The following RNF213 variants were observed in gnomAD, a reference collection of about 807,000 sequenced individuals.
The protein encoded by RNF213 is E3 ubiquitin-protein ligase RNF213.
RNF213 carries 341 observed loss-of-function variants against 514.4 expected under a neutral mutation model. The ratio of observed to expected loss-of-function variants is 0.66; its 90% CI spans 0.61 to 0.73. The LOEUF (loss-of-function observed/expected upper bound fraction) is 0.73, where lower values mean the gene tolerates loss of function less well. Ranked by LOEUF, RNF213 falls within the 30% of genes least tolerant of loss-of-function variation. The pLI is 0.00. For synonymous variants in RNF213, 2,655 were observed against 2,658.2 expected, an observed-to-expected ratio of 1.00 and a Z score of 0.04; for missense variants, 5,767 against 6,615.6, an observed-to-expected ratio of 0.87 and a Z score of 4.45.
intron 17 of RNF213, chr17:80,320,618 G>A (rs1236539840): frequency 6.6e-6 from 1 of 152,070 alleles, no homozygotes; most frequent in African/African-American, 2.4e-5. Context: ...TCGAACTCCC[G>A]ACCTCAGGTG....
At chr17:80,336,766 T>C (rs1337725999) in intron 23 of RNF213, 2 of 350,066 alleles carry the variant, frequency 5.7e-6, no homozygotes, top group Non-Finnish European at 1.1e-5. Flanking sequence ...TAGCCAGGCA[T>C]GGTGGTGTGC....
intron 60 of RNF213, 125 bp downstream of exon 60, chr17:80,385,296 C>T (rs2080188770): frequency 1.6e-6 from 2 of 1,244,648 alleles, no homozygotes; most frequent in East Asian, 2.4e-5. Context: ...AGCCTAAGCC[C>T]TTACCATGCG....
intron 15 of RNF213, 149 bp downstream of exon 15, chr17:80,313,316 C>A: frequency 9.1e-7 from 1 of 1,094,978 alleles, no homozygotes; most frequent in Non-Finnish European, 1.4e-6. Flanking sequence ...GGAGTTGCTC[C>A]TGTCTACCTG....
chr17:80,315,769 C>CTGA (rs2045908695), intron 15 of RNF213: 1 of 19,222 alleles, frequency 5.2e-5, no homozygotes, highest in African/African-American at 1.8e-4. Flanking sequence ...AGTGGTGATG[C>CTGA]TGGTGGTGGT....
chr17:80,360,209 G>A lies in RNF213; in HGVS notation c.11200+3G>A, dbSNP rs2144354561. 6.2e-7 allele frequency: 1 copy of A among 1,611,530 alleles called. No homozygotes were observed. The highest frequency in any genetic ancestry group is 8.5e-7 in the Non-Finnish European group (1 of 1,178,854). On this transcript the variant is annotated splice_donor_region_variant and intron_variant, in intron 38 of 67. Coordinates refer to ENST00000582970, the MANE Select transcript of RNF213 (RefSeq NM_001256071.3). Reference sequence around the variant, plus strand: ...TCAGTACATCACAGACGCAGAAGGTGAGGCTACCTCAAGACAGGTCAGATT... The same window carrying A: ...TCAGTACATCACAGACGCAGAAGGTAAGGCTACCTCAAGACAGGTCAGATT...
chr17:80,325,094 C>T lies in RNF213; in HGVS notation c.3089C>T (p.Ser1030Phe). ...TTGCGGAAATTTGGCATCGTCTTGT[C>T]TGCTGTGATCACTAAGTCCTGGCCT... Reference protein sequence around the residue: ...SDLRKFGIVLSAVITKSWPRT... With the variant: ...SDLRKFGIVLFAVITKSWPRT... The change falls in exon 18 of 68, where the codon TCT (serine) becomes TTT (phenylalanine). Residue 1030 changes from serine to phenylalanine, a missense_variant. By Grantham distance (155) the Ser-to-Phe change is radical. Coordinates refer to ENST00000582970, the MANE Select transcript of RNF213 (RefSeq NM_001256071.3). 1 of 1,537,190 alleles carries T rather than the reference C, an allele frequency of 6.5e-7. No individual in the cohort carries two copies. Among genetic ancestry groups the T allele is most frequent in the Non-Finnish European group, 8.7e-7 (1 of 1,146,906 alleles).
intron 10 of RNF213, among the ~76,000 whole-genome samples, chr17:80,297,833 C>T (rs1294365757): frequency 6.6e-6 from 1 of 150,810 alleles, no homozygotes; most frequent in East Asian, 2.0e-4. Context: ...GGTGGTGCAC[C>T]TGTAATTCCA....
At chr17:80,375,646 T>C in intron 50 of RNF213, 114 bp from the exon 51 acceptor site, 1 of 748,872 alleles carries the variant, frequency 1.3e-6, no homozygotes, top group South Asian at 1.4e-5. Flanking sequence ...GAGGTTGCAG[T>C]GAGCCGAGAT....
intron 11 of RNF213, among the ~76,000 whole-genome samples, chr17:80,300,325 T>A (rs139806643): frequency 0.025 from 3,731 of 151,654 alleles, 149 homozygotes; most frequent in African/African-American, 0.086. Context: ...AGTGCAGTGG[T>A]GTGATCTCAG....
intron 11 of RNF213, among the ~76,000 whole-genome samples, chr17:80,300,046 T>C (rs1598956386): frequency 6.6e-6 from 1 of 152,326 alleles, no homozygotes; most frequent in Non-Finnish European, 1.5e-5. Context: ...TTCTTTATAA[T>C]AGAACGATTT....
In RNF213 at chr17:80,339,929, G is replaced by A; in HGVS notation, c.5562G>A (p.Gln1854=). Residue 1854 remains glutamine (Q), a synonymous_variant, in exon 26 of 68, where the codon CAG becomes CAA. Transcript: ENST00000582970. ...CTGTCTACATGCAAACCCCAAGCCA[G>A]CCCCTGCCCACTTACGATGAGGTGC... is the stretch of plus-strand genomic sequence containing the variant. The part of the protein sequence containing the change: ...ALAVYMQTPS[Q]PLPTYDEVLL... 6.5e-7 allele frequency: 1 copy of A among 1,536,982 alleles called. No homozygotes were observed. Among genetic ancestry groups the A allele is most frequent in the Non-Finnish European group, 8.7e-7 (1 of 1,146,892 alleles).
At chr17:80,332,740 T>G (rs184681719) in intron 21 of RNF213, 109 bp downstream of exon 21, 1 of 1,263,974 alleles carries the variant, frequency 7.9e-7, no homozygotes. Context: ...GACTTAGAGC[T>G]TCCGTCAGGG....
intron 46 of RNF213, among the ~76,000 whole-genome samples, chr17:80,371,020 T>A (rs527961732): frequency 1.3e-4 from 19 of 143,578 alleles, no homozygotes; most frequent in East Asian, 8.0e-4. Context: ...TTTTTTTTTT[T>A]AAAACGTAGA....
chr17:80,281,827 C>A (rs1181594370), intron 3 of RNF213, among the ~76,000 whole-genome samples: 1 of 152,148 alleles, frequency 6.6e-6, no homozygotes, highest in African/African-American at 2.4e-5. Flanking sequence ...TGGTACATAA[C>A]CCACAGCATC....
chr17:80,291,722 A>G lies in RNF213; in HGVS notation c.1366A>G (p.Asn456Asp). ...KYIPYKYVIY[N>D]GESFEYEFIY... is the part of the protein sequence containing the mutation. ...CATTCCTTACAAGTACGTCATTTAT[A>G]ATGGGGAATCTTTTGAGTATGAGTT... The change falls in exon 8 of 68, where the codon AAT becomes GAT. Residue 456 changes from asparagine to aspartate, a missense_variant. Asn to Asp is a conservative substitution (Grantham distance 23, BLOSUM62 1). This residue lies in a region of RNF213 where 592 missense variants were observed against 673.9 expected (regional missense o/e 0.88). Transcript: ENST00000582970. 6.2e-7 allele frequency: 1 copy of G among 1,614,194 alleles called. No individual in the cohort carries two copies. The highest frequency in any genetic ancestry group is 8.5e-7 in the Non-Finnish European group (1 of 1,180,026).
chr17:80,281,908 G>A (rs564277138), intron 3 of RNF213, among the ~76,000 whole-genome samples: 6 of 152,264 alleles, frequency 3.9e-5, no homozygotes, highest in African/African-American at 1.4e-4. Flanking sequence ...CCAGGCTGGA[G>A]TGCAATGGCG....
intron 3 of RNF213, among the ~76,000 whole-genome samples, chr17:80,286,367 T>G (rs1431372021): frequency 6.6e-6 from 1 of 152,126 alleles, no homozygotes; most frequent in Non-Finnish European, 1.5e-5. Flanking sequence ...AAATCGGAAT[T>G]TCTGGCCCTG....
At chr17:80,389,722 C>T (rs548940465) in intron 65 of RNF213, 106 bp from the exon 66 acceptor site, 17 of 943,506 alleles carry the variant, frequency 1.8e-5, no homozygotes, top group South Asian at 1.6e-4. Flanking sequence ...CAGGGCAGAA[C>T]GAAGAGAAGA....
chr17:80,306,658 T>A (rs558053073), intron 12 of RNF213, among the ~76,000 whole-genome samples, 190 bp downstream of exon 12: 63 of 152,240 alleles, frequency 4.1e-4, no homozygotes, highest in Admixed American at 3.9e-4. Context: ...GAGACCATCC[T>A]GGCTAACACA....
Sources: allele counts gnomAD v4.1 joint callset (sites outside exome capture counted in the v4.1 genomes callset), GRCh38; gene constraint gnomAD v4.1.1; regional missense constraint gnomAD v4.1.1; transcripts MANE v1.5; gene names NCBI Gene and HGNC (gene_info 2026-07-23, HGNC 2026-07-21).